SLCO3A1: variants seen among roughly 807,000 people sequenced by gnomAD.
The protein encoded by SLCO3A1 is PGE1 transporter.
SLCO3A1 carries 27 observed loss-of-function variants against 63.1 expected under a neutral mutation model. That is an observed-to-expected ratio of 0.43 (90% CI 0.32 to 0.59). The LOEUF is 0.59. SLCO3A1 is among the 20% of genes least tolerant of loss of function. The pLI, the probability that SLCO3A1 is intolerant of heterozygous loss-of-function variation, is 0.09. For synonymous variants in SLCO3A1, 473 were observed against 409.9 expected, an observed-to-expected ratio of 1.15 and a Z score of -1.86; for missense variants, 773 against 945.8, an observed-to-expected ratio of 0.82 and a Z score of 2.40.
At chr15:91,917,464 A>G (rs4294800) in intron 2 of SLCO3A1, among the ~76,000 whole-genome samples, 104,805 of 152,124 alleles carry the variant, frequency 0.69, 36,358 homozygotes, top group East Asian at 0.92. Flanking sequence ...GGACACACCG[A>G]AATGCAGATT....
intron 1 of SLCO3A1, among the ~76,000 whole-genome samples, chr15:91,909,530 T>G (rs1021664547): frequency 1.3e-5 from 2 of 152,154 alleles, no homozygotes; most frequent in Non-Finnish European, 2.9e-5. Flanking sequence ...CCTGCACTGT[T>G]TTTAGCATCT....
At chr15:92,018,695 C>A (rs151238907) in intron 2 of SLCO3A1, among the ~76,000 whole-genome samples, 1 of 152,128 alleles carries the variant, frequency 6.6e-6, no homozygotes, top group African/African-American at 2.4e-5. Context: ...GAGTGGGGAG[C>A]CTGTCTCACC....
chr15:92,097,381 T>A (rs1284100731), intron 3 of SLCO3A1, among the ~76,000 whole-genome samples: 7 of 152,230 alleles, frequency 4.6e-5, no homozygotes, highest in Non-Finnish European at 1.0e-4. Context: ...GTGCCTGAAA[T>A]GACCAGCGGG....
At chr15:92,117,329 G>A (rs1454226093) in intron 4 of SLCO3A1, among the ~76,000 whole-genome samples, 1 of 152,196 alleles carries the variant, frequency 6.6e-6, no homozygotes, top group Non-Finnish European at 1.5e-5. Flanking sequence ...CCCGGCAGCA[G>A]TTTTACTTGT....
intron 2 of SLCO3A1, among the ~76,000 whole-genome samples, chr15:92,023,464 AT>A (rs1302072151): frequency 6.6e-6 from 1 of 150,596 alleles, no homozygotes; most frequent in Non-Finnish European, 1.5e-5. Context: ...GTGAGGTTGA[AT>A]TTTTTTTCTT....
intron 1 of SLCO3A1, among the ~76,000 whole-genome samples, chr15:91,855,001 C>A (rs1468201970): frequency 6.6e-6 from 1 of 152,066 alleles, no homozygotes; most frequent in African/African-American, 2.4e-5. Flanking sequence ...TGCTTCCACA[C>A]CTAAGTACAG....
intron 9 of SLCO3A1, among the ~76,000 whole-genome samples, chr15:92,152,386 A>T (rs1168509798): frequency 6.6e-6 from 1 of 152,212 alleles, no homozygotes; most frequent in South Asian, 2.1e-4. Context: ...GCTCTCAACC[A>T]CTATCAATCC....
Position 92,102,550 on chromosome 15 carries a change from C to T in SLCO3A1, c.746-1729C>T, listed in dbSNP as rs542144343. Among the ~76,000 whole-genome samples the T allele has an allele frequency of 8.5e-4, 123 of 145,338 alleles. 2 individuals carry two copies. Among genetic ancestry groups the T allele is most frequent in the Middle Eastern group, 3.4e-3 (1 of 290 alleles). ...AGGGTAAGTAATCTGCCCAGTGTCA[C>T]ATGCTAGTAAGTGGCAGAGCTGGGA... On this transcript the variant is annotated intron_variant, in intron 3 of 9. Coordinates refer to ENST00000318445, the MANE Select transcript of SLCO3A1 (RefSeq NM_013272.4).
At chr15:92,059,875 G>A (rs2047065636) in intron 2 of SLCO3A1, among the ~76,000 whole-genome samples, 2 of 152,184 alleles carry the variant, frequency 1.3e-5, no homozygotes, top group African/African-American at 4.8e-5. Flanking sequence ...AGGCAATTTT[G>A]TCATTGCGGG....
Position 92,054,766 on chromosome 15 carries a change from G to A in SLCO3A1, c.647-40115G>A, listed in dbSNP as rs182024495. 1.7e-3 allele frequency among the ~76,000 whole-genome samples: 261 copies of A among 152,228 alleles called. 1 individual carries two copies. The highest frequency in any genetic ancestry group is 5.7e-3 in the African/African-American group (235 of 41,516). Reference sequence around the variant, plus strand: ...GGCTTCCAGGTTTATCCATGTCCCTGCAAAGGACATGATCTTGTTCCTTTT... The same window carrying A: ...GGCTTCCAGGTTTATCCATGTCCCTACAAAGGACATGATCTTGTTCCTTTT... On this transcript the variant is annotated intron_variant, in intron 2 of 9. Transcript: ENST00000318445.
intron 2 of SLCO3A1, among the ~76,000 whole-genome samples, chr15:92,017,929 G>T (rs1268370716): frequency 6.6e-6 from 1 of 152,150 alleles, no homozygotes; most frequent in African/African-American, 2.4e-5. Context: ...AAGGGCAGGA[G>T]GCTCAGAACA....
intron 9 of SLCO3A1, among the ~76,000 whole-genome samples, chr15:92,156,047 T>C (rs545364260): frequency 2.6e-5 from 4 of 152,312 alleles, no homozygotes; most frequent in African/African-American, 9.6e-5. Flanking sequence ...TGGGGTGATT[T>C]GTGAACTACT....
At position 92,104,260 on chromosome 15, in the gene SLCO3A1, G is replaced by A; in HGVS notation, c.746-19G>A. ...CCAGCCTTCTTTTCTCCACTAAGCTGTGCTCTTTCCATTTACAGGTAACCT... is the reference window on the plus strand; with the variant it reads ...CCAGCCTTCTTTTCTCCACTAAGCTATGCTCTTTCCATTTACAGGTAACCT... On this transcript the variant is annotated intron_variant, in intron 3 of 9. Coordinates refer to ENST00000318445, the MANE Select transcript of SLCO3A1 (RefSeq NM_013272.4). 6.2e-7 allele frequency: 1 copy of A among 1,613,564 alleles called. No individual in the cohort carries two copies. Among genetic ancestry groups the A allele is most frequent in the Non-Finnish European group, 8.5e-7 (1 of 1,179,886 alleles).
At chr15:92,135,607 A>G (rs1032732065) in intron 7 of SLCO3A1, among the ~76,000 whole-genome samples, 1 of 152,214 alleles carries the variant, frequency 6.6e-6, no homozygotes. Context: ...AAGAGATGCT[A>G]AGCTACAAAA....
intron 1 of SLCO3A1, among the ~76,000 whole-genome samples, chr15:91,905,143 G>A (rs1328274841): frequency 6.6e-6 from 1 of 152,218 alleles, no homozygotes; most frequent in Non-Finnish European, 1.5e-5. Flanking sequence ...GGGAAATACA[G>A]CTATAATCAC....
intron 2 of SLCO3A1, among the ~76,000 whole-genome samples, chr15:91,975,345 C>T (rs1901061016): frequency 6.6e-6 from 1 of 152,194 alleles, no homozygotes; most frequent in African/African-American, 2.4e-5. Flanking sequence ...CCCCTTGTCC[C>T]AAGCCTGTCC....
rs1898510360 is a variant in SLCO3A1, at chr15:91,912,246, C to T, written c.181-3747C>T. Among the ~76,000 whole-genome samples the T allele has an allele frequency of 6.6e-6, 1 of 152,188 alleles. No individual in the cohort carries two copies. The highest frequency in any genetic ancestry group is 2.1e-4 in the South Asian group (1 of 4,822). On this transcript the variant is annotated intron_variant, in intron 1 of 9. Transcript: ENST00000318445. This position sits in a 1 kb window ranked among gnomAD's most constrained non-coding sequence, Gnocchi z 5.0. ...TACAAGTGGGTTTTATGGCCTCATG[C>T]ATACTTAGTCTGTCTTCTCAAAATT...
rs1313193126 is a variant in SLCO3A1 at position 91,948,012 on chromosome 15, G to T, written c.646+31554G>T. On this transcript the variant is annotated intron_variant, in intron 2 of 9. Transcript: ENST00000318445. This position sits in a 1 kb window ranked among gnomAD's most constrained non-coding sequence, Gnocchi z 4.8. ...GAGAATTGTTTATCCTCCCAACTAG[G>T]TGTTCCAGCAGGGCCGTGGGAGCAG... Among the ~76,000 whole-genome samples the T allele has an allele frequency of 6.6e-6, 1 of 152,130 alleles. No homozygotes were observed. The highest frequency in any genetic ancestry group is 2.4e-5 in the African/African-American group (1 of 41,396).
intron 2 of SLCO3A1, among the ~76,000 whole-genome samples, chr15:92,015,212 C>T (rs2046411699): frequency 6.6e-6 from 1 of 152,060 alleles, no homozygotes; most frequent in African/African-American, 2.4e-5. Context: ...CAGGAGCTTT[C>T]CGTAGGTCCT....
Sources: gnomAD v4.1 joint callset for allele counts (sites outside exome capture counted in the v4.1 genomes callset) on GRCh38, gnomAD v4.1.1 for gene constraint, Gnocchi (gnomAD v3.1) non-coding constraint, MANE v1.5 for transcripts, NCBI Gene and HGNC (gene_info 2026-07-23, HGNC 2026-07-21) for gene names.